Variants in DNAH9 observed in about 807,000 individuals in gnomAD.
DNAH9 encodes DNAH9 variant protein.
DNAH9 carries 345 observed loss-of-function variants against 471.6 expected under a neutral mutation model. The observed-to-expected ratio is 0.73, with a 90% CI of 0.67 to 0.80. DNAH9 has a LOEUF of 0.80. DNAH9 is among the 30% of genes least tolerant of loss of function. The pLI, the probability that DNAH9 is intolerant of heterozygous loss-of-function variation, is 0.00. For missense variants in DNAH9, 5,407 were observed against 5,609.2 expected (o/e 0.96, Z 1.15); for synonymous variants, 2,093 against 2,123.6 (o/e 0.99, Z 0.40).
rs1967227790 is a variant in DNAH9 at position 11,753,094 on chromosome 17, T to C, written c.6738+134T>C. The C allele has an allele frequency of 4.4e-6, 3 of 674,780 alleles. No individual in the cohort carries two copies. The South Asian group carries it at 6.8e-5, about 15-fold the overall frequency. 41.8% of individuals were successfully genotyped at this position (674,780 alleles called of 1,614,324 possible). On this transcript the variant is annotated intron_variant, in intron 33 of 68. Transcript: ENST00000262442. ...GAGTAAGGAACTATCATCAGCATCT[T>C]CACCACACATCTCTGCACTGATAAA...
chr17:11,675,449 C>T (rs1261647292), intron 17 of DNAH9, among the ~76,000 whole-genome samples: 1 of 152,136 alleles, frequency 6.6e-6, no homozygotes, highest in East Asian at 1.9e-4. Context: ...TATCTTACCA[C>T]TCTGGCTAGG....
Position 11,722,640 on chromosome 17 carries a change from G to A in DNAH9, c.5709+3150G>A, listed in dbSNP as rs969262396. ...CTCTGCCTTAGAAATCCTATAAGCC[G>A]CATCACCTCAGTTAGCTCATGAGGA... On this transcript the variant is annotated intron_variant, in intron 27 of 68. Transcript: ENST00000262442. Among the ~76,000 whole-genome samples, 15 of 152,148 alleles carry A rather than the reference G, an allele frequency of 9.9e-5. No homozygotes were observed. The East Asian group carries it at 1.9e-3, about 20-fold the overall frequency.
chr17:11,756,841 G>A lies in DNAH9; in HGVS notation c.6847+165G>A, dbSNP rs16945294. On this transcript the variant is annotated intron_variant, in intron 34 of 68. Coordinates refer to ENST00000262442, the MANE Select transcript of DNAH9 (RefSeq NM_001372.4). ...TGTTGTGGTAATAAGAAGGGAAATG[G>A]CTTTTGAGCTGCACAACTATCCTCT... Among the ~76,000 whole-genome samples, 3,069 of 152,232 alleles carry A rather than the reference G, an allele frequency of 0.02. 118 individuals carry two copies. Among genetic ancestry groups the A allele is most frequent in the African/African-American group, 0.071 (2,942 of 41,524 alleles).
At chr17:11,732,566 A>G (rs1247313437) in intron 28 of DNAH9, among the ~76,000 whole-genome samples, 1 of 152,010 alleles carries the variant, frequency 6.6e-6, no homozygotes, top group Non-Finnish European at 1.5e-5. Flanking sequence ...CATCTTTGTC[A>G]GTGGACATTC....
intron 60 of DNAH9, 54 bp from the exon 61 acceptor site, chr17:11,905,607 C>G: frequency 6.4e-7 from 1 of 1,563,970 alleles, no homozygotes; most frequent in African/African-American, 1.4e-5. Flanking sequence ...TCAAATGTTA[C>G]CATTTTGTGG....
intron 51 of DNAH9, among the ~76,000 whole-genome samples, chr17:11,870,937 T>A (rs753383661): frequency 6.6e-6 from 1 of 152,132 alleles, no homozygotes; most frequent in African/African-American, 2.4e-5. Context: ...GTCCAGACTG[T>A]GACGTTCCAT....
chr17:11,681,124 T>C lies in DNAH9; in HGVS notation c.3743+235T>C, dbSNP rs73290849. Among the ~76,000 whole-genome samples the C allele has an allele frequency of 8.9e-3, 1,362 of 152,312 alleles. 30 individuals carry two copies. The highest frequency in any genetic ancestry group is 0.03 in the African/African-American group (1,248 of 41,556). Reference sequence around the variant, plus strand: ...ATCTTGCCTTAAAAAGATGCATATATATCTAGAAGCATCTTTGTGCCTCCA... The same window carrying C: ...ATCTTGCCTTAAAAAGATGCATATACATCTAGAAGCATCTTTGTGCCTCCA... On this transcript the variant is annotated intron_variant, in intron 19 of 68. Coordinates refer to ENST00000262442, the MANE Select transcript of DNAH9 (RefSeq NM_001372.4).
At chr17:11,965,066 A>C (rs1402841380) in intron 68 of DNAH9, among the ~76,000 whole-genome samples, 1 of 152,228 alleles carries the variant, frequency 6.6e-6, no homozygotes, top group African/African-American at 2.4e-5. Context: ...CAAAAAGCTT[A>C]AAAGGGCAAG....
intron 51 of DNAH9, among the ~76,000 whole-genome samples, 187 bp from the exon 52 acceptor site, chr17:11,871,411 G>A (rs1972255987): frequency 6.6e-6 from 1 of 152,198 alleles, no homozygotes; most frequent in East Asian, 1.9e-4. Context: ...GACACAGAAT[G>A]GGGGCTTGTG....
intron 58 of DNAH9, among the ~76,000 whole-genome samples, chr17:11,893,708 CAG>C (rs1401847538): frequency 2.0e-5 from 3 of 151,350 alleles, no homozygotes; most frequent in Non-Finnish European, 3.0e-5. Flanking sequence ...TGGGGCCTGT[CAG>C]GGGGTGGAGG....
At chr17:11,683,108 C>T (rs1028222231) in intron 19 of DNAH9, among the ~76,000 whole-genome samples, 1 of 152,194 alleles carries the variant, frequency 6.6e-6, no homozygotes, top group African/African-American at 2.4e-5. Flanking sequence ...AACAACCACT[C>T]CAAAGGCAAC....
rs374236825 is a variant in DNAH9 at position 11,770,249 on chromosome 17, C to T, written c.7552+920C>T. 4.3e-4 allele frequency among the ~76,000 whole-genome samples: 66 copies of T among 152,340 alleles called. No homozygotes were observed. The East Asian group carries it at 7.5e-3, about 17-fold the overall frequency. On this transcript the variant is annotated intron_variant, in intron 38 of 68. Transcript: ENST00000262442. ...GCCAGCAGACTTGCAAAGCAGGCTT[C>T]GTGTGCACCACCACTTGCTCTGCCA...
chr17:11,867,464 G>GT lies in DNAH9; in HGVS notation c.9934-1661dup, dbSNP rs36026830. Among the ~76,000 whole-genome samples the GT allele has an allele frequency of 1.4e-3, 206 of 151,644 alleles. 1 individual carries two copies. Among genetic ancestry groups the GT allele is most frequent in the Non-Finnish European group, 2.3e-3 (155 of 67,874 alleles). Reference sequence around the variant, plus strand: ...AACAACAATAGTGATTTCCACAAGAGTTTTTTTTTGTTATTCTCTCTTCCT... The same window carrying GT: ...AACAACAATAGTGATTTCCACAAGAGTTTTTTTTTTGTTATTCTCTCTTCCT... On this transcript the variant is annotated intron_variant, in intron 50 of 68. Transcript: ENST00000262442.
intron 4 of DNAH9, among the ~76,000 whole-genome samples, chr17:11,615,890 C>T (rs1191952173): frequency 1.3e-5 from 2 of 152,070 alleles, no homozygotes; most frequent in African/African-American, 4.8e-5. Flanking sequence ...TTCTGAAATC[C>T]CCCACCCCAA....
intron 61 of DNAH9, among the ~76,000 whole-genome samples, chr17:11,915,321 C>T (rs922042466): frequency 7.9e-5 from 12 of 152,134 alleles, no homozygotes; most frequent in Admixed American, 5.2e-4. Context: ...GTCAAGAGAT[C>T]GATACCAACC....
chr17:11,763,092 A>G (rs1967782480), intron 35 of DNAH9, among the ~76,000 whole-genome samples: 1 of 152,030 alleles, frequency 6.6e-6, no homozygotes, highest in Admixed American at 6.6e-5. Flanking sequence ...AAAGTGTGAA[A>G]TGAGCGAAAA....
chr17:11,704,410 C>T lies in DNAH9; in HGVS notation c.5359C>T (p.Arg1787Trp), dbSNP rs368831635. 1.1e-5 allele frequency: 18 copies of T among 1,613,512 alleles called. No homozygotes were observed. The highest frequency in any genetic ancestry group is 5.3e-5 in the African/African-American group (4 of 74,890). Residue 1787 changes from arginine to tryptophan, a missense_variant, in exon 25 of 69, where the codon CGG (arginine) becomes TGG (tryptophan). Transcript: ENST00000262442. ...TATATGCACCATCGATGTGCATGCC[C>T]GGGATGTGGTAGCCAAGATGATTGC... ...MTICTIDVHA[R>W]DVVAKMIAQK...
chr17:11,670,168 C>G (rs1478766222), intron 17 of DNAH9, among the ~76,000 whole-genome samples: 1 of 152,136 alleles, frequency 6.6e-6, no homozygotes, highest in Non-Finnish European at 1.5e-5. Flanking sequence ...CCTCTTATTC[C>G]TTGTCTTGGA....
Position 11,931,964 on chromosome 17 carries a change from C to T in DNAH9, c.12106-50C>T, listed in dbSNP as rs73980532. ...ATTGTAACCTCACCCTAGCCAGCCCCGTATAAGAGAAGTTGTGTGCGAACC... is the reference window on the plus strand; with the variant it reads ...ATTGTAACCTCACCCTAGCCAGCCCTGTATAAGAGAAGTTGTGTGCGAACC... On this transcript the variant is annotated intron_variant, in intron 63 of 68. Transcript: ENST00000262442. 2,292 of 1,593,904 alleles carry T rather than the reference C, an allele frequency of 1.4e-3. 28 individuals carry two copies. In the African/African-American group the frequency reaches 0.028, roughly 19 times the overall value.
Sources: gnomAD v4.1 joint callset for allele counts (sites outside exome capture counted in the v4.1 genomes callset) on GRCh38, gnomAD v4.1.1 for gene constraint, MANE v1.5 for transcripts, NCBI Gene and HGNC (gene_info 2026-07-23, HGNC 2026-07-21) for gene names.